Variants in CADM2 observed in about 807,000 individuals in gnomAD.
The protein encoded by CADM2 is cell adhesion molecule 2.
Under a neutral mutation model 49.8 loss-of-function variants are expected in CADM2, and 12 were observed. The ratio of observed to expected loss-of-function variants is 0.24; its 90% CI spans 0.15 to 0.39. The LOEUF is 0.39. Among genes scored for constraint, CADM2 ranks in the 10% least tolerant of loss-of-function variants. The pLI is 1.00. For synonymous variants in CADM2, 214 were observed against 175.4 expected, an observed-to-expected ratio of 1.22 and a Z score of -1.74; for missense variants, 378 against 492.3, an observed-to-expected ratio of 0.77 and a Z score of 2.20.
At chr3:85,963,886 A>G (rs1725152368) in intron 8 of CADM2, among the ~76,000 whole-genome samples, 1 of 151,800 alleles carries the variant, frequency 6.6e-6, no homozygotes, top group Admixed American at 6.6e-5. Flanking sequence ...CCATAGATTA[A>G]TGCTATTCAT....
At chr3:85,990,027 A>G (rs1452851655) in intron 8 of CADM2, among the ~76,000 whole-genome samples, 26 of 147,218 alleles carry the variant, frequency 1.8e-4, no homozygotes, top group African/African-American at 3.2e-4. Flanking sequence ...AAAAAAAAAA[A>G]AAAAAAAAAA....
chr3:85,303,087 C>T (rs1361548577), intron 1 of CADM2, among the ~76,000 whole-genome samples: 1 of 151,782 alleles, frequency 6.6e-6, no homozygotes, highest in Non-Finnish European at 1.5e-5. Context: ...TATGTTTGGA[C>T]AAAATTTTTG....
chr3:85,504,993 C>A (rs1331665549), intron 1 of CADM2, among the ~76,000 whole-genome samples: 3 of 152,094 alleles, frequency 2.0e-5, no homozygotes, highest in Admixed American at 2.0e-4. Context: ...CAAGCCCACG[C>A]CCACCCGGAA....
chr3:85,093,308 C>T (rs1239078114), intron 1 of CADM2, among the ~76,000 whole-genome samples: 1 of 151,932 alleles, frequency 6.6e-6, no homozygotes, highest in East Asian at 1.9e-4. Context: ...ATCAAGAGAT[C>T]AAGACCATCC....
chr3:85,479,871 A>G (rs1239582665), intron 1 of CADM2, among the ~76,000 whole-genome samples: 2 of 151,966 alleles, frequency 1.3e-5, no homozygotes, highest in Non-Finnish European at 2.9e-5. Flanking sequence ...GTCTAGTTGA[A>G]TTTGGAATGT....
At chr3:85,152,047 T>G (rs1379666537) in intron 1 of CADM2, among the ~76,000 whole-genome samples, 1 of 152,134 alleles carries the variant, frequency 6.6e-6, no homozygotes, top group African/African-American at 2.4e-5. Flanking sequence ...CAATCCAAAT[T>G]TCTATATATC....
intron 1 of CADM2, among the ~76,000 whole-genome samples, chr3:85,116,417 C>T (rs2038640264): frequency 6.6e-6 from 1 of 152,040 alleles, no homozygotes. Context: ...CTTTGTAGCA[C>T]TAGTTTAAAA....
chr3:85,504,197 A>G (rs2040225796), intron 1 of CADM2, among the ~76,000 whole-genome samples: 1 of 151,756 alleles, frequency 6.6e-6, no homozygotes, highest in Admixed American at 6.6e-5. Flanking sequence ...TCGCTGGCTC[A>G]GGAGTGAAGC....
At chr3:86,045,442 C>T (rs1736542774) in intron 8 of CADM2, among the ~76,000 whole-genome samples, 1 of 151,982 alleles carries the variant, frequency 6.6e-6, no homozygotes, top group Admixed American at 6.6e-5. Flanking sequence ...TTCCACTTCC[C>T]AGGGACTCAG....
At chr3:85,322,741 C>T (rs2044647310) in intron 1 of CADM2, among the ~76,000 whole-genome samples, 1 of 152,040 alleles carries the variant, frequency 6.6e-6, no homozygotes, top group African/African-American at 2.4e-5. Flanking sequence ...TGTAAAAGGG[C>T]TCTCTCTGTG....
chr3:85,425,546 A>G (rs776605595), intron 1 of CADM2, among the ~76,000 whole-genome samples: 1 of 152,208 alleles, frequency 6.6e-6, no homozygotes, highest in Non-Finnish European at 1.5e-5. Flanking sequence ...AGTACACAAT[A>G]AATTATTTTT....
At chr3:86,001,458 T>C (rs1577913521) in intron 8 of CADM2, among the ~76,000 whole-genome samples, 1 of 39,752 alleles carries the variant, frequency 2.5e-5, no homozygotes, top group Non-Finnish European at 7.2e-5. Context: ...TTTTTACAGT[T>C]CCCAGTAGTC....
intron 8 of CADM2, among the ~76,000 whole-genome samples, chr3:86,063,921 G>A (rs1739000260): frequency 6.6e-6 from 1 of 152,078 alleles, no homozygotes; most frequent in Admixed American, 6.6e-5. Context: ...ATAGGGCTGA[G>A]TCTTAGTGGA....
intron 8 of CADM2, among the ~76,000 whole-genome samples, chr3:86,010,208 A>G (rs1424095715): frequency 6.6e-6 from 1 of 152,012 alleles, no homozygotes; most frequent in African/African-American, 2.4e-5. Context: ...GGACAGGTCA[A>G]ATAATATTCA....
chr3:85,275,844 A>G (rs1004717791), intron 1 of CADM2, among the ~76,000 whole-genome samples: 2 of 151,248 alleles, frequency 1.3e-5, no homozygotes, highest in African/African-American at 4.8e-5. Context: ...TTGAATTTCA[A>G]ATATACAGCA....
intron 1 of CADM2, among the ~76,000 whole-genome samples, chr3:85,576,568 AT>A (rs1466333366): frequency 6.6e-6 from 1 of 152,226 alleles, no homozygotes; most frequent in Non-Finnish European, 1.5e-5. Context: ...AAATATTAGT[AT>A]AAAGTAACTA....
intron 1 of CADM2, among the ~76,000 whole-genome samples, chr3:85,286,830 G>T (rs952492468): frequency 1.3e-5 from 2 of 152,000 alleles, no homozygotes; most frequent in African/African-American, 4.8e-5. Context: ...GAGGCATTTA[G>T]TATTGTCTAT....
intron 3 of CADM2, among the ~76,000 whole-genome samples, chr3:85,867,730 C>T (rs1011484815): frequency 2.6e-5 from 4 of 151,884 alleles, no homozygotes; most frequent in Non-Finnish European, 4.4e-5. Context: ...TTTTATGGGC[C>T]GTTTAAATAG....
rs1399862997 is a variant in CADM2, at chr3:85,123,511, T to A, written c.61+163843T>A. On this transcript the variant is annotated intron_variant, in intron 1 of 9. Coordinates refer to ENST00000383699, the MANE Select transcript of CADM2 (RefSeq NM_001167675.2). The stretch of plus-strand genomic sequence containing the variant: ...TCCTCTGATTCTAATTGCCCCAAAA[T>A]TGATGTGATTGTTTTCTGAAGAAGT... 2.6e-5 allele frequency among the ~76,000 whole-genome samples: 4 copies of A among 152,258 alleles called. No individual in the cohort carries two copies. The South Asian group carries it at 8.3e-4, about 32-fold the overall frequency.
Sources: allele counts gnomAD v4.1 joint callset (sites outside exome capture counted in the v4.1 genomes callset), GRCh38; gene constraint gnomAD v4.1.1; transcripts MANE v1.5; gene names NCBI Gene and HGNC (gene_info 2026-07-23, HGNC 2026-07-21).